P3H4: variants seen among roughly 807,000 people sequenced by gnomAD.
P3H4 encodes the protein prolyl 3-hydroxylase family member 4 (inactive), also known as endoplasmic reticulum protein SC65.
Under a neutral mutation model 52.9 loss-of-function variants are expected in P3H4, and 47 were observed. The ratio of observed to expected loss-of-function variants is 0.89; its 90% CI spans 0.70 to 1.13. The LOEUF is 1.13. Ranked by LOEUF, P3H4 falls within the 50% of genes most tolerant of loss-of-function variation. The pLI, the probability that P3H4 is intolerant of heterozygous loss-of-function variation, is 0.00. For synonymous variants in P3H4, 256 were observed against 267.9 expected, an observed-to-expected ratio of 0.96 and a Z score of 0.44; for missense variants, 585 against 611.0, an observed-to-expected ratio of 0.96 and a Z score of 0.45.
In P3H4 at chr17:41,809,729, T is replaced by A; in HGVS notation, c.893A>T (p.Tyr298Phe). Residue 298 changes from tyrosine to phenylalanine, a missense_variant, in exon 4 of 8, where the codon TAC becomes TTC. Tyr to Phe is a conservative substitution (Grantham distance 22). Coordinates refer to ENST00000393928, the MANE Select transcript of P3H4 (RefSeq NM_006455.3). ...VDKFVATMYH[Y>F]LQFAYYKLND... ...ACACTTATAGTAGGCAAACTGCAGG[T>A]AGTGGTACATGGTGGCCACGAACTT... 6.2e-7 allele frequency: 1 copy of A among 1,613,464 alleles called. No individual in the cohort carries two copies. Among genetic ancestry groups the A allele is most frequent in the African/African-American group, 1.3e-5 (1 of 75,014 alleles).
At chr17:41,803,235 C>CA (rs1424999182) in intron 7 of P3H4, 52 bp downstream of exon 7, 1 of 1,582,616 alleles carries the variant, frequency 6.3e-7, no homozygotes, top group Non-Finnish European at 8.6e-7. Flanking sequence ...CATCTGTCCC[C>CA]AACCTCCATC....
intron 4 of P3H4, among the ~76,000 whole-genome samples, chr17:41,808,411 AG>A (rs1414179924): frequency 3.9e-5 from 6 of 152,046 alleles, no homozygotes; most frequent in Non-Finnish European, 8.8e-5. Context: ...GTTTTGAGAC[AG>A]GGTCTTGTTC....
intron 4 of P3H4, 24 bp downstream of exon 4, chr17:41,809,682 A>G (rs1555614671): frequency 6.2e-7 from 1 of 1,610,184 alleles, no homozygotes; most frequent in Non-Finnish European, 8.5e-7. Context: ...CCCCTGCCCA[A>G]GCCAGCCCAC....
intron 6 of P3H4, among the ~76,000 whole-genome samples, chr17:41,804,241 G>A (rs1597893666): frequency 6.7e-6 from 1 of 150,348 alleles, no homozygotes; most frequent in African/African-American, 2.4e-5. Flanking sequence ...GTGAGCCACC[G>A]TGCCCCGCCA....
chr17:41,811,353 G>C lies in P3H4; in HGVS notation c.463-69C>G, dbSNP rs1386127140. 5 of 1,606,784 alleles carry C rather than the reference G, an allele frequency of 3.1e-6. No individual in the cohort carries two copies. Among genetic ancestry groups the C allele is most frequent in the Non-Finnish European group, 3.4e-6 (4 of 1,175,856 alleles). ...GAGCTCGCGGCCCCGAGCGCACGGCGGGCTTCGTGCCTTGGGTGAAGATAA... is the reference window on the plus strand; with the variant it reads ...GAGCTCGCGGCCCCGAGCGCACGGCCGGCTTCGTGCCTTGGGTGAAGATAA... On this transcript the variant is annotated intron_variant, in intron 1 of 7. Transcript: ENST00000393928. The surrounding 1 kb of genome is among the most constrained non-coding windows in gnomAD (Gnocchi z 4.8).
chr17:41,803,507 A>C, intron 6 of P3H4, 76 bp from the exon 7 acceptor site: 2 of 1,309,312 alleles, frequency 1.5e-6, no homozygotes, highest in Non-Finnish European at 1.1e-6. Context: ...TTCCTGGCCA[A>C]TGGGACTTCC....
chr17:41,811,554 C>G lies in P3H4; in HGVS notation c.362G>C (p.Arg121Pro). 1 of 1,608,402 alleles carries G rather than the reference C, an allele frequency of 6.2e-7. No individual in the cohort carries two copies. Among genetic ancestry groups the G allele is most frequent in the South Asian group, 1.1e-5 (1 of 90,670 alleles). Residue 121 changes from arginine (R) to proline (P), a missense_variant, in exon 1 of 8, where the codon CGG becomes CCG. Transcript: ENST00000393928. The surrounding 1 kb of genome is among the most constrained non-coding windows in gnomAD (Gnocchi z 4.8). ...ERAACLRRCK[R>P]TLPAFQVPYP... ...GGGCACCTGGAAGGCGGGCAGCGTC[C>G]GCTTGCAGCGCCGCAGGCAGGCGGC...
In P3H4 at chr17:41,811,906, C is replaced by A. The variant is rs1464638880; in HGVS notation, c.10G>T (p.Val4Leu). Residue 4 changes from valine to leucine, a missense_variant, in exon 1 of 8, where the codon GTG (valine) becomes TTG (leucine). Coordinates refer to ENST00000393928, the MANE Select transcript of P3H4 (RefSeq NM_006455.3). The surrounding 1 kb of genome is among the most constrained non-coding windows in gnomAD (Gnocchi z 4.8). MAR[V>L]AWGLLWLLLG... ...AGCAACCACAGCAGCCCCCACGCCA[C>A]CCGAGCCATGCCCGCCGCGCCGCCG... 2.7e-6 allele frequency: 4 copies of A among 1,508,426 alleles called. No homozygotes were observed. The African/African-American group carries it at 4.3e-5, about 16-fold the overall frequency. The allele number at this position is 1,508,426 out of a possible 1,614,324, so 93.4% of individuals were successfully genotyped here.
Position 41,811,632 on chromosome 17 carries a change from C to A in P3H4, c.284G>T (p.Arg95Leu). The change falls in exon 1 of 8, where the codon CGC becomes CTC. Residue 95 changes from arginine to leucine, a missense_variant. Physicochemically the swap from Arg to Leu is moderately radical, Grantham distance 102 (BLOSUM62 -2). Coordinates refer to ENST00000393928, the MANE Select transcript of P3H4 (RefSeq NM_006455.3). The surrounding 1 kb of genome is among the most constrained non-coding windows in gnomAD (Gnocchi z 4.8). ...PAAKPDPDGG[R>L]ADEWACELRL... ...CAGCTCGCAGGCCCACTCGTCTGCG[C>A]GGCCGCCGTCGGGATCGGGCTTGGC... 6.8e-7 allele frequency: 1 copy of A among 1,460,440 alleles called. No individual in the cohort carries two copies. Among genetic ancestry groups the A allele is most frequent in the Admixed American group, 2.8e-5 (1 of 35,706 alleles). The allele number at this position is 1,460,440 out of a possible 1,614,324, so 90.5% of individuals were successfully genotyped here. A position where few individuals can be genotyped will look rare whatever the true frequency, so the allele number is the denominator to read the frequency against.
At position 41,803,431 on chromosome 17, in the gene P3H4, T is replaced by C; in HGVS notation, c.1147A>G (p.Met383Val). The C allele has an allele frequency of 6.2e-7, 1 of 1,613,328 alleles. No individual in the cohort carries two copies. The highest frequency in any genetic ancestry group is 1.1e-5 in the South Asian group (1 of 91,032). ...GGCGGTTCTGTCTCCTCCAGCTCCA[T>C]CTAGAGTAGCGCCACGGTTGTGGGA... is the stretch of plus-strand genomic sequence containing the variant. ...THMYLQSDDE[M>V]ELEETEPPLE... is the part of the protein sequence containing the mutation. The change falls in exon 7 of 8, where the codon ATG (methionine) becomes GTG (valine). Residue 383 changes from methionine to valine, a missense_variant and splice_region_variant. Transcript: ENST00000393928.
chr17:41,806,172 T>C (rs562218482), intron 6 of P3H4, among the ~76,000 whole-genome samples: 1 of 151,286 alleles, frequency 6.6e-6, no homozygotes, highest in African/African-American at 2.4e-5. Context: ...TGAGCTGAGA[T>C]GACACCACTG....
chr17:41,804,014 T>C (rs1476939297), intron 6 of P3H4, among the ~76,000 whole-genome samples: 1 of 150,828 alleles, frequency 6.6e-6, no homozygotes, highest in Non-Finnish European at 1.5e-5. Flanking sequence ...TGCAGTGGCA[T>C]GATCTCGGCT....
At position 41,807,839 on chromosome 17, in the gene P3H4, C is replaced by T. The variant is rs1555614384; in HGVS notation, c.1062+20G>A. On this transcript the variant is annotated intron_variant, in intron 5 of 7. Coordinates refer to ENST00000393928, the MANE Select transcript of P3H4 (RefSeq NM_006455.3). ...TTACAAAGTGCATATCCAGCAAGTG[C>T]CCCAGAAAGCAGTGCCCACCTCCCG... is the stretch of plus-strand genomic sequence containing the variant. 6.2e-7 allele frequency: 1 copy of T among 1,605,470 alleles called. No individual in the cohort carries two copies. Among genetic ancestry groups the T allele is most frequent in the African/African-American group, 1.3e-5 (1 of 74,694 alleles).
intron 6 of P3H4, among the ~76,000 whole-genome samples, chr17:41,803,961 T>C (rs1323813728): frequency 6.6e-6 from 1 of 151,146 alleles, no homozygotes; most frequent in Non-Finnish European, 1.5e-5. Context: ...CCTTTTTTTT[T>C]TTTTTTTTTG....
rs2047733703 is a variant in P3H4, at chr17:41,811,326, C to T, written c.463-42G>A. The stretch of plus-strand genomic sequence containing the variant: ...GGGTGGGGGAGCGGGTCAGCAAGAC[C>T]GGAGCTCGCGGCCCCGAGCGCACGG... On this transcript the variant is annotated intron_variant, in intron 1 of 7. Transcript: ENST00000393928. This position sits in a 1 kb window ranked among gnomAD's most constrained non-coding sequence, Gnocchi z 4.8. 1.2e-6 allele frequency: 2 copies of T among 1,609,590 alleles called. No individual in the cohort carries two copies. Among genetic ancestry groups the T allele is most frequent in the Non-Finnish European group, 1.7e-6 (2 of 1,178,548 alleles).
chr17:41,804,956 G>C (rs1597894192), intron 6 of P3H4, among the ~76,000 whole-genome samples: 2 of 151,536 alleles, frequency 1.3e-5, no homozygotes, highest in Non-Finnish European at 2.9e-5. Flanking sequence ...CTGGGTGACA[G>C]AGTGAGATTC....
chr17:41,806,445 G>C (rs1354039206), intron 6 of P3H4, among the ~76,000 whole-genome samples: 1 of 152,142 alleles, frequency 6.6e-6, no homozygotes, highest in East Asian at 1.9e-4. Context: ...GATGGACGAG[G>C]GCTGCAATCA....
In P3H4 at chr17:41,810,834, C is replaced by CTGA. The variant is rs542540278; in HGVS notation, c.787+28_787+29insTCA. On this transcript the variant is annotated intron_variant, in intron 3 of 7. Transcript: ENST00000393928. ...TTACCGGGCCCTGTGGGTGAGAGGACCGCCCACCGTGGTCTGGGTGGCAGA... is the reference window on the plus strand; with the variant it reads ...TTACCGGGCCCTGTGGGTGAGAGGACTGACGCCCACCGTGGTCTGGGTGGCAGA... 348 of 1,593,786 alleles carry CTGA rather than the reference C, an allele frequency of 2.2e-4. 2 individuals carry two copies. In the East Asian group the frequency reaches 7.4e-3, roughly 34 times the overall value.
At position 41,811,930 on chromosome 17, in the gene P3H4, C is replaced by T. The variant is rs1256783196; in HGVS notation, c.-15G>A. ...ACCCGAGCCATGCCCGCCGCGCCGC[C>T]GGCTCTCCGGAGCTGAGCTGGCTGC... On this transcript the variant is annotated 5_prime_UTR_variant, in exon 1 of 8. Transcript: ENST00000393928. This position sits in a 1 kb window ranked among gnomAD's most constrained non-coding sequence, Gnocchi z 4.8. The T allele has an allele frequency of 1.3e-6, 2 of 1,494,914 alleles. No individual in the cohort carries two copies. Among genetic ancestry groups the T allele is most frequent in the African/African-American group, 1.5e-5 (1 of 68,820 alleles). 92.6% of individuals were successfully genotyped at this position (1,494,914 alleles called of 1,614,324 possible). A position where few individuals can be genotyped will look rare whatever the true frequency, so the allele number is the denominator to read the frequency against.
Sources: gnomAD v4.1 joint callset for allele counts (sites outside exome capture counted in the v4.1 genomes callset) on GRCh38, gnomAD v4.1.1 for gene constraint, Gnocchi (gnomAD v3.1) non-coding constraint, MANE v1.5 for transcripts, NCBI Gene and HGNC (gene_info 2026-07-23, HGNC 2026-07-21) for gene names.